PRKN: variants seen among roughly 807,000 people sequenced by gnomAD.
PRKN encodes the protein parkin RBR E3 ubiquitin protein ligase.
Under a neutral mutation model 59.5 loss-of-function variants are expected in PRKN, and 56 were observed. The observed-to-expected ratio is 0.94, with a 90% CI of 0.76 to 1.18. The LOEUF (loss-of-function observed/expected upper bound fraction) is 1.18, where lower values mean the gene tolerates loss of function less well. Ranked by LOEUF, PRKN falls within the 50% of genes most tolerant of loss-of-function variation. The pLI is 0.00. For missense variants in PRKN, 657 were observed against 596.4 expected (o/e 1.10, Z -1.06); for synonymous variants, 250 against 222.1 (o/e 1.13, Z -1.12).
rs1412652608 is a variant in PRKN at position 161,796,723 on chromosome 6, G to A, written c.735-10815C>T. 3.1e-4 allele frequency among the ~76,000 whole-genome samples: 47 copies of A among 152,030 alleles called. 1 individual carries two copies. Among genetic ancestry groups the A allele is most frequent in the Non-Finnish European group, 1.5e-5 (1 of 67,992 alleles). On this transcript the variant is annotated intron_variant, in intron 6 of 11. Coordinates refer to ENST00000366898, the MANE Select transcript of PRKN (RefSeq NM_004562.3). ...CAGGTCACATTCTATTCAGACTGTC[G>A]ATATGTATAACTAAAAAAAGCTCAA...
intron 7 of PRKN, among the ~76,000 whole-genome samples, chr6:161,650,154 T>A (rs1784099262): frequency 6.6e-6 from 1 of 152,136 alleles, no homozygotes; most frequent in Non-Finnish European, 1.5e-5. Context: ...GCAAGCCAGC[T>A]CCTATGTTCT....
At chr6:162,252,126 A>G (rs2128096340) in intron 3 of PRKN, among the ~76,000 whole-genome samples, 1 of 152,328 alleles carries the variant, frequency 6.6e-6, no homozygotes, top group South Asian at 2.1e-4. Flanking sequence ...AAGTGTGCAT[A>G]AAGAGGGAAG....
At chr6:162,120,079 G>A (rs1386072605) in intron 4 of PRKN, among the ~76,000 whole-genome samples, 1 of 152,162 alleles carries the variant, frequency 6.6e-6, no homozygotes, top group Non-Finnish European at 1.5e-5. Context: ...GCTCAGTGGC[G>A]AGACTGTGGC....
chr6:161,956,213 T>C (rs1780164477), intron 6 of PRKN, among the ~76,000 whole-genome samples: 1 of 152,196 alleles, frequency 6.6e-6, no homozygotes, highest in South Asian at 2.1e-4. Context: ...GAACTGGGTT[T>C]TGAACACAAC....
chr6:162,436,953 G>A (rs1027478785), intron 2 of PRKN, among the ~76,000 whole-genome samples: 2 of 151,940 alleles, frequency 1.3e-5, no homozygotes, highest in East Asian at 1.9e-4. Context: ...TGAGCCAGGC[G>A]TGGTAGCGGG....
chr6:161,840,216 G>A (rs909999233), intron 6 of PRKN, among the ~76,000 whole-genome samples: 1 of 152,238 alleles, frequency 6.6e-6, no homozygotes, highest in African/African-American at 2.4e-5. Flanking sequence ...AGTGCAGATA[G>A]TGTCATTACA....
rs144823871 is a variant in PRKN at position 161,807,557 on chromosome 6, G to A, written c.735-21649C>T. Among the ~76,000 whole-genome samples the A allele has an allele frequency of 3.2e-3, 483 of 152,264 alleles. 3 individuals are homozygous for A. The highest frequency in any genetic ancestry group is 0.01 in the African/African-American group (425 of 41,564). Reference sequence around the variant, plus strand: ...AGTCAAAAACCAAAGGCCACGCTTCGTCTGAAACCTGGGAGAGGAGCCTTT... The same window carrying A: ...AGTCAAAAACCAAAGGCCACGCTTCATCTGAAACCTGGGAGAGGAGCCTTT... On this transcript the variant is annotated intron_variant, in intron 6 of 11. Transcript: ENST00000366898.
chr6:161,975,492 A>G (rs1435294974), intron 5 of PRKN, among the ~76,000 whole-genome samples: 1 of 152,176 alleles, frequency 6.6e-6, no homozygotes, highest in Non-Finnish European at 1.5e-5. Context: ...TATACGTTTG[A>G]CAGCAACATT....
At position 161,391,101 on chromosome 6, in the gene PRKN, A is replaced by C. The variant is rs1381193797; in HGVS notation, c.1084-4224T>G. On this transcript the variant is annotated intron_variant, in intron 9 of 11. Transcript: ENST00000366898. The surrounding 1 kb of genome is among the most constrained non-coding windows in gnomAD (Gnocchi z 4.9). The stretch of plus-strand genomic sequence containing the variant: ...CCATGGCATAGCTGTTTCTAGAGAA[A>C]AAGCTTGCCGGGGAAGAAAGCAGAC... 6.6e-6 allele frequency among the ~76,000 whole-genome samples: 1 copy of C among 152,114 alleles called. No individual in the cohort carries two copies. Among genetic ancestry groups the C allele is most frequent in the Non-Finnish European group, 1.5e-5 (1 of 68,030 alleles).
intron 1 of PRKN, among the ~76,000 whole-genome samples, chr6:162,523,399 A>G (rs1778151429): frequency 6.6e-6 from 1 of 152,232 alleles, no homozygotes. Flanking sequence ...ACAGTGGCTC[A>G]TGCCTATAAT....
At chr6:161,568,686 T>TA (rs1411625254) in intron 8 of PRKN, among the ~76,000 whole-genome samples, 3 of 152,220 alleles carry the variant, frequency 2.0e-5, no homozygotes, top group African/African-American at 7.2e-5. Flanking sequence ...ACTTGACACC[T>TA]AGATTTAACA....
At chr6:161,382,161 A>G (rs1429819628) in intron 10 of PRKN, among the ~76,000 whole-genome samples, 3 of 151,510 alleles carry the variant, frequency 2.0e-5, no homozygotes, top group African/African-American at 7.3e-5. Context: ...AAACAAACAA[A>G]CAAAACAAAG....
chr6:161,522,390 A>T (rs1177201625), intron 9 of PRKN, among the ~76,000 whole-genome samples: 4 of 152,160 alleles, frequency 2.6e-5, no homozygotes, highest in African/African-American at 9.7e-5. Context: ...AGAAAAACAC[A>T]ACTTGCCCCC....
At chr6:161,630,710 C>T (rs932044529) in intron 7 of PRKN, among the ~76,000 whole-genome samples, 1 of 152,036 alleles carries the variant, frequency 6.6e-6, no homozygotes, top group African/African-American at 2.4e-5. Flanking sequence ...TCATCATCAT[C>T]AGTGAAGATG....
chr6:161,992,077 C>A (rs1285721374), intron 5 of PRKN, among the ~76,000 whole-genome samples: 1 of 151,888 alleles, frequency 6.6e-6, no homozygotes, highest in Non-Finnish European at 1.5e-5. Context: ...CGGTAGCTCA[C>A]GCCTGTAATC....
chr6:161,600,199 T>C (rs944118037), intron 7 of PRKN, among the ~76,000 whole-genome samples: 1 of 152,216 alleles, frequency 6.6e-6, no homozygotes, highest in Non-Finnish European at 1.5e-5. Flanking sequence ...CTCATCCTTT[T>C]CTGTTATTTC....
intron 6 of PRKN, among the ~76,000 whole-genome samples, chr6:161,933,580 A>G (rs542171146): frequency 1.3e-5 from 2 of 152,134 alleles, no homozygotes; most frequent in Non-Finnish European, 2.9e-5. Flanking sequence ...TTCCCCTGCA[A>G]ACATTTCAGG....
intron 4 of PRKN, among the ~76,000 whole-genome samples, chr6:162,164,106 A>G (rs1289012683): frequency 2.0e-5 from 3 of 149,370 alleles, no homozygotes; most frequent in Non-Finnish European, 3.0e-5. Flanking sequence ...GTGGAATACC[A>G]GCTGTTGAAA....
At chr6:162,088,534 T>C (rs1324607152) in intron 4 of PRKN, among the ~76,000 whole-genome samples, 1 of 152,126 alleles carries the variant, frequency 6.6e-6, no homozygotes, top group East Asian at 1.9e-4. Context: ...TGTGTATTTG[T>C]TTAGGAAATG....
Sources: gnomAD v4.1 joint callset for allele counts (sites outside exome capture counted in the v4.1 genomes callset) on GRCh38, gnomAD v4.1.1 for gene constraint, Gnocchi (gnomAD v3.1) non-coding constraint, MANE v1.5 for transcripts, NCBI Gene and HGNC (gene_info 2026-07-23, HGNC 2026-07-21) for gene names.